HOXB3: variants seen among roughly 807,000 people sequenced by gnomAD.
The protein encoded by HOXB3 is homeobox B3, also known as homeobox protein Hox-B3.
Under a neutral mutation model 29.2 loss-of-function variants are expected in HOXB3, and 17 were observed. The observed-to-expected ratio is 0.58, with a 90% confidence interval of 0.40 to 0.87. The LOEUF (loss-of-function observed/expected upper bound fraction) is 0.87, where lower values mean the gene tolerates loss of function less well. Among genes scored for constraint, HOXB3 ranks in the 40% least tolerant of loss-of-function variants. HOXB3 has a pLI of 0.00. For synonymous variants in HOXB3, 317 were observed against 285.9 expected, an observed-to-expected ratio of 1.11 and a Z score of -1.10; for missense variants, 637 against 616.3, an observed-to-expected ratio of 1.03 and a Z score of -0.35.
intron 1 of HOXB3, among the ~76,000 whole-genome samples, chr17:48,583,257 C>G (rs1567966209): frequency 1.3e-5 from 2 of 152,324 alleles, no homozygotes; most frequent in East Asian, 3.9e-4. Context: ...AGAGCTTTAA[C>G]TGTCCTTTAA....
In HOXB3 at chr17:48,576,562, C is replaced by G. The variant is rs1051918017; in HGVS notation, c.-424-2548G>C. ...GTCATTTCTATAAATAAAGCTTCCC[C>G]TCCCCCTCTTCTGCGTTTATTCGTA... On this transcript the variant is annotated intron_variant, in intron 1 of 4. Transcript: ENST00000498678. The G allele has an allele frequency of 5.4e-6, 3 of 553,782 alleles. No homozygotes were observed. In the Admixed American group the frequency reaches 1.1e-4, roughly 20 times the overall value. 34.3% of individuals were successfully genotyped at this position (553,782 alleles called of 1,614,324 possible).
At chr17:48,577,784 C>T (rs1439443494) in intron 1 of HOXB3, 2 of 1,244,888 alleles carry the variant, frequency 1.6e-6, no homozygotes, top group Non-Finnish European at 2.0e-6. Context: ...AGCTCAACCC[C>T]CCCCCAACCC....
At chr17:48,558,197 G>A (rs1448275083) in intron 2 of HOXB3, among the ~76,000 whole-genome samples, 1 of 152,190 alleles carries the variant, frequency 6.6e-6, no homozygotes, top group Non-Finnish European at 1.5e-5. Flanking sequence ...TAACACGAGA[G>A]TCCAGAAGGC....
intron 2 of HOXB3, among the ~76,000 whole-genome samples, chr17:48,559,396 C>T (rs2069115524): frequency 6.6e-6 from 1 of 152,180 alleles, no homozygotes; most frequent in South Asian, 2.1e-4. Context: ...ACAAAATTTG[C>T]CTGGCCCAAA....
intron 1 of HOXB3, chr17:48,574,503 C>T (rs547602592): frequency 2.0e-5 from 3 of 152,174 alleles, no homozygotes; most frequent in African/African-American, 7.2e-5. Context: ...AACAATAAAA[C>T]GCGCGGGTGG....
At position 48,550,088 on chromosome 17, in the gene HOXB3, T is replaced by C. The variant is rs1264444559; in HGVS notation, c.*246A>G. On this transcript the variant is annotated 3_prime_UTR_variant, in exon 5 of 5. Transcript: ENST00000498678. ...GGTAGTGCTGGAGCCCTGGGGTTGA[T>C]GGGGTCATCTCCAATATGATGTGGA... 4.1e-6 allele frequency: 2 copies of C among 492,856 alleles called. No individual in the cohort carries two copies. The highest frequency in any genetic ancestry group is 2.0e-5 in the African/African-American group (1 of 50,592). The allele number at this position is 492,856 out of a possible 1,614,324, so 30.5% of individuals were successfully genotyped here. A position where few individuals can be genotyped will look rare whatever the true frequency, so the allele number is the denominator to read the frequency against.
intron 1 of HOXB3, chr17:48,576,958 C>T (rs745422628): frequency 5.0e-6 from 8 of 1,613,966 alleles, no homozygotes; most frequent in Non-Finnish European, 6.8e-6. Context: ...AGCTCCAAGA[C>T]CTGCTGGCGC....
At position 48,550,410 on chromosome 17, in the gene HOXB3, T is replaced by C. The variant is rs1248944311; in HGVS notation, c.1220A>G (p.Tyr407Cys). 9 of 1,613,950 alleles carry C rather than the reference T, an allele frequency of 5.6e-6. No homozygotes were observed. Among genetic ancestry groups the C allele is most frequent in the Non-Finnish European group, 7.6e-6 (9 of 1,179,984 alleles). The part of the protein sequence containing the change: ...HHGPCEPHPT[Y>C]TDLSSHHAPP... ...CGCGTGGTGAGAGGAGAGGTCTGTG[T>C]AGGTGGGGTGGGGTTCGCAGGGTCC... is the stretch of plus-strand genomic sequence containing the variant. The change falls in exon 5 of 5, where the codon TAC (tyrosine) becomes TGC (cysteine). Residue 407 changes from tyrosine (Y) to cysteine (C), a missense_variant. Tyr to Cys is a radical substitution (Grantham distance 194, BLOSUM62 -2). Coordinates refer to ENST00000498678, the MANE Select transcript of HOXB3 (RefSeq NM_001384749.1).
intron 3 of HOXB3, 118 bp downstream of exon 3, chr17:48,555,413 A>G (rs1044904759): frequency 1.4e-5 from 10 of 690,746 alleles, no homozygotes; most frequent in Non-Finnish European, 2.6e-5. Context: ...GCTGCGTGGA[A>G]GGAAGCTTAA....
chr17:48,550,280 C>G lies in HOXB3; in HGVS notation c.*54G>C. 1 of 1,602,992 alleles carries G rather than the reference C, an allele frequency of 6.2e-7. No homozygotes were observed. Among genetic ancestry groups the G allele is most frequent in the East Asian group, 2.2e-5 (1 of 44,858 alleles). On this transcript the variant is annotated 3_prime_UTR_variant, in exon 5 of 5. Coordinates refer to ENST00000498678, the MANE Select transcript of HOXB3 (RefSeq NM_001384749.1). Reference sequence around the variant, plus strand: ...CAGACCTCCAGGTTGCCCCCCAGAGCTCCACAGTCTCTCTCTTCCTCCCCA... The same window carrying G: ...CAGACCTCCAGGTTGCCCCCCAGAGGTCCACAGTCTCTCTCTTCCTCCCCA...
intron 1 of HOXB3, among the ~76,000 whole-genome samples, chr17:48,587,572 G>C (rs2070071083): frequency 6.6e-6 from 1 of 152,142 alleles, no homozygotes. Flanking sequence ...AGGGATAAAG[G>C]AACCAGGCAA....
chr17:48,577,850 C>T, intron 1 of HOXB3: 1 of 1,400,274 alleles, frequency 7.1e-7, no homozygotes, highest in South Asian at 1.9e-5. Context: ...GGAAGGGGTG[C>T]CCACGCACTC....
chr17:48,577,783 C>A (rs180762674), intron 1 of HOXB3: 5 of 1,238,698 alleles, frequency 4.0e-6, no homozygotes, highest in African/African-American at 3.1e-5. Context: ...CAGCTCAACC[C>A]CCCCCCAACC....
chr17:48,567,231 G>A (rs1261530271), intron 2 of HOXB3, among the ~76,000 whole-genome samples: 1 of 152,176 alleles, frequency 6.6e-6, no homozygotes, highest in East Asian at 1.9e-4. Context: ...CAGAGTGTGG[G>A]AGCGAGCTCC....
Position 48,554,141 on chromosome 17 carries a change from C to T in HOXB3, c.-159+1390G>A, listed in dbSNP as rs918984272. ...TCAATTGACCAGGCTGACCCAATCC[C>T]TTTATTATTATTACCATTAGCCTCT... On this transcript the variant is annotated intron_variant, in intron 3 of 4. Transcript: ENST00000498678. This position sits in a 1 kb window ranked among gnomAD's most constrained non-coding sequence, Gnocchi z 4.1. 1.2e-5 allele frequency: 2 copies of T among 167,430 alleles called. No homozygotes were observed. The highest frequency in any genetic ancestry group is 4.8e-5 in the African/African-American group (2 of 41,556). 10.4% of individuals were successfully genotyped at this position (167,430 alleles called of 1,614,324 possible).
intron 1 of HOXB3, chr17:48,578,596 G>A: frequency 2.6e-6 from 1 of 389,760 alleles, no homozygotes; most frequent in South Asian, 2.6e-5. Context: ...CCTGCGGGGC[G>A]ACCCCCTCCT....
At chr17:48,552,906 C>G (rs1170113377) in intron 3 of HOXB3, 1 of 163,566 alleles carries the variant, frequency 6.1e-6, no homozygotes, top group Non-Finnish European at 1.3e-5. Flanking sequence ...AGCCCCTGAC[C>G]TCCCCTAGTC....
At position 48,548,935 on chromosome 17, in the gene HOXB3, A is replaced by G. The variant is rs549463449; in HGVS notation, c.*1399T>C. On this transcript the variant is annotated 3_prime_UTR_variant, in exon 5 of 5. Transcript: ENST00000498678. ...AGACAACCCTTTTAGGTAAGGAAAAAAGTAACTACTGAAGAACAAAGAAAG... is the reference window on the plus strand; with the variant it reads ...AGACAACCCTTTTAGGTAAGGAAAAGAGTAACTACTGAAGAACAAAGAAAG... 1.0e-4 allele frequency: 16 copies of G among 152,764 alleles called. No individual in the cohort carries two copies. The highest frequency in any genetic ancestry group is 2.2e-4 in the Non-Finnish European group (15 of 68,042). 9.5% of individuals were successfully genotyped at this position (152,764 alleles called of 1,614,324 possible).
At chr17:48,582,975 A>C (rs915266944) in intron 1 of HOXB3, among the ~76,000 whole-genome samples, 19 of 152,242 alleles carry the variant, frequency 1.2e-4, no homozygotes, top group Admixed American at 7.8e-4. Context: ...GGCCTGAGCA[A>C]GAGGCCCCTT....
Sources: gnomAD v4.1 joint callset for allele counts (sites outside exome capture counted in the v4.1 genomes callset) on GRCh38, gnomAD v4.1.1 for gene constraint, Gnocchi (gnomAD v3.1) non-coding constraint, MANE v1.5 for transcripts, NCBI Gene and HGNC (gene_info 2026-07-23, HGNC 2026-07-21) for gene names.